WDPCP: variants seen among roughly 807,000 people sequenced by gnomAD.
WDPCP encodes WD repeat containing planar cell polarity effector.
WDPCP carries 71 observed loss-of-function variants against 93.1 expected under a neutral mutation model. The observed-to-expected ratio is 0.76, with a 90% CI of 0.63 to 0.93. The LOEUF (loss-of-function observed/expected upper bound fraction) is 0.93, where lower values mean the gene tolerates loss of function less well. Ranked by LOEUF, WDPCP falls within the 40% of genes least tolerant of loss-of-function variation. The probability of loss-of-function intolerance (pLI) is 0.00; values close to 1 mark genes in which losing one functional copy is unlikely to be tolerated. For missense variants in WDPCP, 844 were observed against 887.4 expected (o/e 0.95, Z 0.62); for synonymous variants, 315 against 315.0 (o/e 1.00, Z 0.00).
chr2:63,474,177 T>C (rs1018075253), intron 6 of WDPCP, among the ~76,000 whole-genome samples: 23 of 152,250 alleles, frequency 1.5e-4, no homozygotes, highest in African/African-American at 5.3e-4. Flanking sequence ...AATATAGAAC[T>C]TAAATAAATA....
rs1158506344 is a variant in WDPCP, at chr2:63,138,170, G to A, written c.2190+14744C>T. Among the ~76,000 whole-genome samples, 3 of 147,144 alleles carry A rather than the reference G, an allele frequency of 2.0e-5. No homozygotes were observed. In the East Asian group the frequency reaches 6.0e-4, roughly 30 times the overall value. On this transcript the variant is annotated intron_variant, in intron 17 of 17. Transcript: ENST00000272321. ...TTTATTTGTAATAAAAAATTGCACT[G>A]CAGTGAGCATCCTTATGATTAAATT...
rs568744368 is a variant in WDPCP, at chr2:63,438,496, T to C, written c.500-942A>G. Among the ~76,000 whole-genome samples, 27 of 152,210 alleles carry C rather than the reference T, an allele frequency of 1.8e-4. 1 individual carries two copies. In the South Asian group the frequency reaches 5.4e-3, roughly 30 times the overall value. ...GCTGAAAGTTTCCTTTTAATTCTCA[T>C]TGAGGAGCATCAATATAACAAAATC... On this transcript the variant is annotated intron_variant, in intron 7 of 17. Transcript: ENST00000272321.
rs1039049666 is a variant in WDPCP, at chr2:63,285,013, T to G, written c.1813-25604A>C. Among the ~76,000 whole-genome samples the G allele has an allele frequency of 2.6e-5, 4 of 151,808 alleles. No homozygotes were observed. The South Asian group carries it at 8.3e-4, about 32-fold the overall frequency. On this transcript the variant is annotated intron_variant, in intron 13 of 17. Transcript: ENST00000272321. Reference sequence around the variant, plus strand: ...CAAACAAAACAAAACAAAAACAAATTAATTCAAATGAAGCACCAAAAAAGG... The same window carrying G: ...CAAACAAAACAAAACAAAAACAAATGAATTCAAATGAAGCACCAAAAAAGG...
chr2:63,493,014 A>G, intron 1 of WDPCP, 74 bp from the exon 2 acceptor site: 1 of 1,255,908 alleles, frequency 8.0e-7, no homozygotes, highest in Non-Finnish European at 1.2e-6. Context: ...ATACCTTAGA[A>G]ATAGTAAAAA....
chr2:63,300,599 C>T (rs1031491783), intron 13 of WDPCP, among the ~76,000 whole-genome samples: 7 of 152,202 alleles, frequency 4.6e-5, no homozygotes, highest in African/African-American at 1.7e-4. Flanking sequence ...ATAATTTCCT[C>T]CTTTCCTGTT....
chr2:63,764,338 G>T (rs1420281298), intron 2 of WDPCP, among the ~76,000 whole-genome samples: 1 of 152,146 alleles, frequency 6.6e-6, no homozygotes, highest in Non-Finnish European at 1.5e-5. Flanking sequence ...CCAGTCAAGG[G>T]CTAGCCTGTG....
intron 12 of WDPCP, among the ~76,000 whole-genome samples, chr2:63,316,390 G>A (rs1054011179): frequency 4.6e-5 from 7 of 152,028 alleles, no homozygotes; most frequent in Admixed American, 2.0e-4. Flanking sequence ...AAGGCCGGGC[G>A]CCTATAATCC....
chr2:63,499,055 T>A (rs1196331517), intron 1 of WDPCP, among the ~76,000 whole-genome samples: 1 of 152,246 alleles, frequency 6.6e-6, no homozygotes, highest in Non-Finnish European at 1.5e-5. Flanking sequence ...ATATGTTTAC[T>A]GAGTCATAGA....
intron 3 of WDPCP, among the ~76,000 whole-genome samples, chr2:63,641,159 T>A (rs1168980653): frequency 6.6e-6 from 1 of 152,240 alleles, no homozygotes; most frequent in East Asian, 1.9e-4. Flanking sequence ...TTCATTCTTT[T>A]TATAGCTAAA....
intron 2 of WDPCP, among the ~76,000 whole-genome samples, chr2:63,653,792 C>A (rs1710135055): frequency 1.3e-5 from 2 of 152,042 alleles, no homozygotes; most frequent in East Asian, 3.9e-4. Context: ...TGCCTATAAT[C>A]CCAGTTACTC....
At chr2:63,593,528 GT>G (rs1709242471), upstream of WDPCP, 2 of 470,568 alleles carry the variant, frequency 4.3e-6, no homozygotes, top group Admixed American at 4.7e-5. Flanking sequence ...TCCTTGTTTC[GT>G]CTCAGAGACG....
At chr2:63,833,524 G>C in the WDPCP span, among the ~76,000 whole-genome samples, 147,755 of 152,304 alleles carry the variant, frequency 0.97, 71,695 homozygotes, top group East Asian at 1. Context: ...ACCAACCAAC[G>C]AACCCTTACA....
intron 10 of WDPCP, among the ~76,000 whole-genome samples, chr2:63,385,655 A>G (rs987889556): frequency 2.6e-5 from 4 of 152,056 alleles, no homozygotes; most frequent in Non-Finnish European, 5.9e-5. Flanking sequence ...TTTATGGATT[A>G]GGAGACTCAA....
At chr2:63,821,927 TTAAC>T (rs1671024380) in intron 1 of WDPCP, among the ~76,000 whole-genome samples, 1 of 152,100 alleles carries the variant, frequency 6.6e-6, no homozygotes, top group Admixed American at 6.6e-5. Flanking sequence ...ACTCAGCTAA[TTAAC>T]ATAAGACTAA....
chr2:63,651,652 T>G (rs1258338411), intron 2 of WDPCP, among the ~76,000 whole-genome samples: 5 of 152,170 alleles, frequency 3.3e-5, no homozygotes, highest in Admixed American at 3.3e-4. Context: ...CTTAAGGCCT[T>G]CAACTGATTT....
chr2:63,211,756 G>C (rs1676830221), intron 14 of WDPCP, among the ~76,000 whole-genome samples: 1 of 152,164 alleles, frequency 6.6e-6, no homozygotes, highest in South Asian at 2.1e-4. Flanking sequence ...AGAATCAACA[G>C]TGTAGAGAAG....
chr2:63,733,240 C>T (rs896871276), intron 2 of WDPCP, among the ~76,000 whole-genome samples: 52 of 136,848 alleles, frequency 3.8e-4, no homozygotes, highest in African/African-American at 1.0e-3. Flanking sequence ...TCGCCCAGGC[C>T]GGACTGCGGA....
At chr2:63,381,012 C>A (rs865849456) in intron 11 of WDPCP, among the ~76,000 whole-genome samples, 1 of 152,024 alleles carries the variant, frequency 6.6e-6, no homozygotes, top group African/African-American at 2.4e-5. Flanking sequence ...AAAAGAAAAG[C>A]TCTTCAAGTA....
intron 2 of WDPCP, among the ~76,000 whole-genome samples, chr2:63,683,585 G>C (rs1668760198): frequency 6.6e-6 from 1 of 152,162 alleles, no homozygotes. Context: ...GGGCGCAGTG[G>C]CTCACATCTG....
Sources: gnomAD v4.1 joint callset for allele counts (sites outside exome capture counted in the v4.1 genomes callset) on GRCh38, gnomAD v4.1.1 for gene constraint, MANE v1.5 for transcripts, NCBI Gene and HGNC (gene_info 2026-07-23, HGNC 2026-07-21) for gene names.